Variants in EYS observed in about 807,000 individuals in gnomAD.
EYS encodes the protein EGF-like photoreceptor maintenance factor, also known as protein eyes shut homolog.
In EYS, 250 loss-of-function variants were observed where a neutral mutation model predicts 282.1. The observed-to-expected ratio is 0.89, with a 90% CI of 0.80 to 0.98. EYS has a LOEUF of 0.98. EYS is among the 50% of genes least tolerant of loss of function. The probability of loss-of-function intolerance (pLI) is 0.00; values close to 1 mark genes in which losing one functional copy is unlikely to be tolerated. For missense variants in EYS, 4,016 were observed against 3,709.0 expected, an observed-to-expected ratio of 1.08 and a Z score of -2.15; for synonymous variants, 1,355 against 1,282.9, an observed-to-expected ratio of 1.06 and a Z score of -1.20.
At chr6:65,645,693 A>T (rs1386825508) in intron 1 of EYS, among the ~76,000 whole-genome samples, 1 of 148,202 alleles carries the variant, frequency 6.7e-6, no homozygotes, top group Non-Finnish European at 1.5e-5. Context: ...ATCAGAACTA[A>T]ATGAAACTGA....
At chr6:64,737,963 G>A (rs986705850) in intron 22 of EYS, among the ~76,000 whole-genome samples, 10 of 152,078 alleles carry the variant, frequency 6.6e-5, no homozygotes, top group Admixed American at 5.2e-4. Context: ...ACCAACCATC[G>A]ATGCTCAAAG....
chr6:65,275,571 G>T (rs1438743125), intron 12 of EYS, among the ~76,000 whole-genome samples: 2 of 152,162 alleles, frequency 1.3e-5, no homozygotes, highest in East Asian at 3.9e-4. Context: ...ACATGAAAAG[G>T]AAAGAAGACT....
chr6:64,078,492 A>ACTTTCT (rs1771848524), intron 32 of EYS, among the ~76,000 whole-genome samples: 6 of 152,056 alleles, frequency 3.9e-5, no homozygotes, highest in Admixed American at 3.9e-4. Context: ...AAGAGGATAG[A>ACTTTCT]AAGTAGCAAC....
intron 12 of EYS, among the ~76,000 whole-genome samples, chr6:65,089,942 G>GAA (rs1774503476): frequency 1.6e-4 from 9 of 55,204 alleles, no homozygotes; most frequent in African/African-American, 7.4e-4. Flanking sequence ...GGGCAAGAAA[G>GAA]CAAAAAAAAA....
At chr6:64,189,444 T>C (rs1459028183) in intron 31 of EYS, among the ~76,000 whole-genome samples, 1 of 152,240 alleles carries the variant, frequency 6.6e-6, no homozygotes, top group Non-Finnish European at 1.5e-5. Flanking sequence ...AAAACAGCCA[T>C]GTTCATTCAT....
chr6:65,380,740 C>A (rs749493009), intron 8 of EYS, among the ~76,000 whole-genome samples: 35 of 151,702 alleles, frequency 2.3e-4, no homozygotes, highest in Non-Finnish European at 4.3e-4. Context: ...AGGGCTAATA[C>A]CCAGAATCTA....
intron 26 of EYS, among the ~76,000 whole-genome samples, chr6:64,571,412 G>C (rs1171975478): frequency 2.0e-5 from 3 of 151,994 alleles, no homozygotes; most frequent in Non-Finnish European, 4.4e-5. Flanking sequence ...CAGAAGACAA[G>C]AAATAACTAA....
chr6:64,836,039 C>A (rs949678070), intron 19 of EYS, among the ~76,000 whole-genome samples: 6 of 151,504 alleles, frequency 4.0e-5, no homozygotes, highest in Non-Finnish European at 8.9e-5. Flanking sequence ...TGAGTAAATA[C>A]AAGCAAATGA....
At chr6:65,390,521 G>T (rs914939780) in intron 7 of EYS, among the ~76,000 whole-genome samples, 1 of 151,762 alleles carries the variant, frequency 6.6e-6, no homozygotes, top group Non-Finnish European at 1.5e-5. Context: ...AATGAATAGT[G>T]ACCAACTCAG....
intron 35 of EYS, among the ~76,000 whole-genome samples, chr6:63,941,531 G>C (rs1199646539): frequency 1.3e-5 from 2 of 152,116 alleles, no homozygotes; most frequent in Admixed American, 1.3e-4. Context: ...TGATGGGGTT[G>C]TTTGATTTTT....
At chr6:65,647,346 C>A (rs548198917) in intron 1 of EYS, among the ~76,000 whole-genome samples, 3 of 152,120 alleles carry the variant, frequency 2.0e-5, no homozygotes, top group African/African-American at 7.2e-5. Flanking sequence ...GAATATATAA[C>A]CCTGAAATAA....
At chr6:63,940,641 A>G (rs1027395697) in intron 35 of EYS, among the ~76,000 whole-genome samples, 8 of 151,986 alleles carry the variant, frequency 5.3e-5, no homozygotes, top group South Asian at 2.1e-4. Flanking sequence ...TAAGAAAATC[A>G]TTGAGGAGAA....
At chr6:64,666,160 GA>G (rs1355550306) in intron 22 of EYS, among the ~76,000 whole-genome samples, 1 of 152,164 alleles carries the variant, frequency 6.6e-6, no homozygotes, top group Non-Finnish European at 1.5e-5. Flanking sequence ...ATACCTGGCT[GA>G]TGAAATAATA....
At chr6:65,673,730 G>A (rs965913829) in intron 1 of EYS, among the ~76,000 whole-genome samples, 7 of 151,910 alleles carry the variant, frequency 4.6e-5, no homozygotes, top group African/African-American at 1.7e-4. Context: ...AATAAAGGCC[G>A]GTCTGTTACT....
At chr6:64,260,708 T>C (rs1210586243) in intron 30 of EYS, among the ~76,000 whole-genome samples, 1 of 152,078 alleles carries the variant, frequency 6.6e-6, no homozygotes, top group Non-Finnish European at 1.5e-5. Flanking sequence ...CCTAGGACTG[T>C]TATGCTTTTA....
chr6:63,946,647 A>T (rs1240277159), intron 35 of EYS, among the ~76,000 whole-genome samples: 1 of 152,178 alleles, frequency 6.6e-6, no homozygotes, highest in Non-Finnish European at 1.5e-5. Flanking sequence ...CATCTCAGTT[A>T]CATAGTAAAC....
chr6:64,882,811 C>T (rs1441721815), intron 19 of EYS, among the ~76,000 whole-genome samples: 1 of 151,426 alleles, frequency 6.6e-6, no homozygotes, highest in Non-Finnish European at 1.5e-5. Flanking sequence ...CCAGAGTAGA[C>T]TAAACTTTGA....
At chr6:64,062,543 T>A (rs1222184656) in intron 33 of EYS, among the ~76,000 whole-genome samples, 4 of 151,884 alleles carry the variant, frequency 2.6e-5, no homozygotes, top group Non-Finnish European at 1.5e-5. Flanking sequence ...AACACAAAAA[T>A]TAGCCAGGCG....
At chr6:65,619,137 C>G (rs1264414375) in intron 2 of EYS, among the ~76,000 whole-genome samples, 2 of 151,794 alleles carry the variant, frequency 1.3e-5, no homozygotes, top group Non-Finnish European at 2.9e-5. Flanking sequence ...TGCAAATTAC[C>G]TTGGGCAGTA....
Sources: gnomAD v4.1 joint callset for allele counts (sites outside exome capture counted in the v4.1 genomes callset) on GRCh38, gnomAD v4.1.1 for gene constraint, MANE v1.5 for transcripts, NCBI Gene and HGNC (gene_info 2026-07-23, HGNC 2026-07-21) for gene names.